ASB3: variants seen among roughly 807,000 people sequenced by gnomAD.
The protein encoded by ASB3 is ankyrin repeat and SOCS box containing 3.
Under a neutral mutation model 54.5 loss-of-function variants are expected in ASB3, and 41 were observed. That is an observed-to-expected ratio of 0.75 (90% CI 0.59 to 0.98). ASB3 has a LOEUF of 0.98. Among genes scored for constraint, ASB3 ranks in the 50% least tolerant of loss-of-function variants. The pLI is 0.00. For synonymous variants in ASB3, 266 were observed against 221.2 expected, an observed-to-expected ratio of 1.20 and a Z score of -1.80; for missense variants, 733 against 620.0, an observed-to-expected ratio of 1.18 and a Z score of -1.94.
intron 8 of ASB3, among the ~76,000 whole-genome samples, chr2:53,695,350 T>C (rs887444969): frequency 5.9e-5 from 9 of 152,180 alleles, no homozygotes; most frequent in African/African-American, 9.6e-5. Context: ...ACATTTTATT[T>C]CTCAGCATAT....
intron 2 of ASB3, among the ~76,000 whole-genome samples, chr2:53,760,920 G>A (rs775767065): frequency 3.2e-4 from 49 of 152,104 alleles, no homozygotes; most frequent in Non-Finnish European, 4.0e-4. Flanking sequence ...AAGATCTACC[G>A]TGGACCCCTG....
At chr2:53,782,178 AAAAC>A (rs542995263) in intron 1 of ASB3, among the ~76,000 whole-genome samples, 8 of 152,312 alleles carry the variant, frequency 5.3e-5, no homozygotes, top group East Asian at 1.9e-4. Context: ...CCCTGTCTCA[AAAAC>A]AAACAAACAA....
At chr2:53,678,746 A>G (rs1430933434) in intron 9 of ASB3, among the ~76,000 whole-genome samples, 4 of 152,204 alleles carry the variant, frequency 2.6e-5, no homozygotes, top group Non-Finnish European at 5.9e-5. Context: ...TCTGTATAGA[A>G]CATTCTGCCT....
At chr2:53,755,118 G>A (rs1250411829) in intron 2 of ASB3, among the ~76,000 whole-genome samples, 1 of 152,170 alleles carries the variant, frequency 6.6e-6, no homozygotes, top group Non-Finnish European at 1.5e-5. Context: ...TAAATGGTGT[G>A]GGTATTAAAG....
At chr2:53,757,734 T>A (rs1672914901) in intron 2 of ASB3, among the ~76,000 whole-genome samples, 4 of 152,172 alleles carry the variant, frequency 2.6e-5, no homozygotes, top group Admixed American at 2.6e-4. Flanking sequence ...GATATACAGC[T>A]CTCAACATGG....
intron 8 of ASB3, among the ~76,000 whole-genome samples, chr2:53,697,571 A>G (rs1260948038): frequency 6.6e-6 from 1 of 152,154 alleles, no homozygotes; most frequent in Non-Finnish European, 1.5e-5. Context: ...CTCAAGGCAT[A>G]ATTTACCTTA....
chr2:53,755,774 A>G (rs929649784), intron 2 of ASB3, among the ~76,000 whole-genome samples: 1 of 152,234 alleles, frequency 6.6e-6, no homozygotes, highest in Non-Finnish European at 1.5e-5. Flanking sequence ...GAAAGTAGAC[A>G]CTGTTAAGAA....
chr2:53,716,763 C>T lies in ASB3; in HGVS notation c.605-20G>A. 1.3e-6 allele frequency: 2 copies of T among 1,598,678 alleles called. No homozygotes were observed. The highest frequency in any genetic ancestry group is 1.7e-6 in the Non-Finnish European group (2 of 1,170,474). On this transcript the variant is annotated intron_variant, in intron 5 of 9. Coordinates refer to ENST00000263634, the MANE Select transcript of ASB3 (RefSeq NM_016115.5). Reference sequence around the variant, plus strand: ...TTGCACCTAAGGGTACAAAATAAAACATTTAACAGATAACCCTAATACTTA... The same window carrying T: ...TTGCACCTAAGGGTACAAAATAAAATATTTAACAGATAACCCTAATACTTA...
intron 9 of ASB3, among the ~76,000 whole-genome samples, chr2:53,681,359 G>T (rs1220705796): frequency 6.6e-6 from 1 of 152,146 alleles, no homozygotes; most frequent in Non-Finnish European, 1.5e-5. Flanking sequence ...CTGTGCATCA[G>T]AAACTTTTAA....
At chr2:53,709,073 G>A (rs543697771) in intron 7 of ASB3, among the ~76,000 whole-genome samples, 2 of 152,340 alleles carry the variant, frequency 1.3e-5, no homozygotes, top group East Asian at 3.9e-4. Flanking sequence ...AAAACCACCA[G>A]GGGGTGGTGG....
chr2:53,744,350 C>G (rs1274657049), intron 3 of ASB3, among the ~76,000 whole-genome samples: 1 of 148,052 alleles, frequency 6.8e-6, no homozygotes. Flanking sequence ...TGCCACTGCA[C>G]TCCAGCCTGG....
chr2:53,670,956 T>C (rs1007363878), intron 9 of ASB3, among the ~76,000 whole-genome samples: 1 of 152,180 alleles, frequency 6.6e-6, no homozygotes, highest in Admixed American at 6.5e-5. Flanking sequence ...ATTCTAAAGA[T>C]CTGTTAATAC....
chr2:53,710,045 C>T (rs1454567347), intron 7 of ASB3, among the ~76,000 whole-genome samples: 1 of 152,206 alleles, frequency 6.6e-6, no homozygotes, highest in Non-Finnish European at 1.5e-5. Flanking sequence ...GATCCCCTGG[C>T]TCCTGTCAAG....
intron 3 of ASB3, among the ~76,000 whole-genome samples, chr2:53,731,559 C>G (rs879290719): frequency 2.6e-5 from 4 of 152,308 alleles, no homozygotes; most frequent in Non-Finnish European, 5.9e-5. Flanking sequence ...AACAGTTCTT[C>G]AAGCTATTTT....
At chr2:53,736,989 AG>A (rs1215859803) in intron 3 of ASB3, among the ~76,000 whole-genome samples, 2 of 152,242 alleles carry the variant, frequency 1.3e-5, no homozygotes, top group Non-Finnish European at 2.9e-5. Flanking sequence ...GTCTCAAAAA[AG>A]AAAAAAATAT....
At chr2:53,709,558 G>C (rs12474738) in intron 7 of ASB3, among the ~76,000 whole-genome samples, 2 of 152,174 alleles carry the variant, frequency 1.3e-5, no homozygotes, top group Admixed American at 1.3e-4. Flanking sequence ...GGTGGAAAGA[G>C]CATGTTTCTC....
chr2:53,700,337 T>G lies in ASB3; in HGVS notation c.1172A>C (p.Tyr391Ser), dbSNP rs1309450776. ...CAGAAGATGTGGCAACCACTCCTTA[T>G]ATTTTGCTTGTGCTTTAATTGCATG... is the stretch of plus-strand genomic sequence containing the variant. ...VNHAIKAQAK[Y>S]KEWLPHLLVA... The change falls in exon 8 of 10, where the codon TAT (tyrosine) becomes TCT (serine). Residue 391 changes from tyrosine to serine, a missense_variant. By Grantham distance (144) the Tyr-to-Ser change is moderately radical. Transcript: ENST00000263634. 6.2e-7 allele frequency: 1 copy of G among 1,614,146 alleles called. No individual in the cohort carries two copies. Among genetic ancestry groups the G allele is most frequent in the South Asian group, 1.1e-5 (1 of 91,084 alleles).
At chr2:53,758,603 A>C (rs1443751871) in intron 2 of ASB3, among the ~76,000 whole-genome samples, 1 of 152,198 alleles carries the variant, frequency 6.6e-6, no homozygotes, top group Admixed American at 6.5e-5. Context: ...GACCACTAGA[A>C]TCCAGCAGCC....
At chr2:53,690,249 A>AT (rs1450458343) in intron 9 of ASB3, among the ~76,000 whole-genome samples, 3 of 151,936 alleles carry the variant, frequency 2.0e-5, no homozygotes, top group Non-Finnish European at 4.4e-5. Flanking sequence ...AAATAAATAA[A>AT]TAAATTAATT....
Sources: gnomAD v4.1 joint callset for allele counts (sites outside exome capture counted in the v4.1 genomes callset) on GRCh38, gnomAD v4.1.1 for gene constraint, MANE v1.5 for transcripts, NCBI Gene and HGNC (gene_info 2026-07-23, HGNC 2026-07-21) for gene names.